ELK3: variants seen among roughly 807,000 people sequenced by gnomAD.
ELK3 encodes ETS domain-containing protein Elk-3.
In ELK3, 10 loss-of-function variants were observed where a neutral mutation model predicts 28.9. The ratio of observed to expected loss-of-function variants is 0.35; its 90% CI spans 0.21 to 0.59. The LOEUF (loss-of-function observed/expected upper bound fraction) is 0.59. Among genes scored for constraint, ELK3 ranks in the 20% least tolerant of loss-of-function variants. ELK3 has a pLI of 0.82. For synonymous variants in ELK3, 272 were observed against 243.5 expected, an observed-to-expected ratio of 1.12 and a Z score of -1.09; for missense variants, 463 against 517.3, an observed-to-expected ratio of 0.90 and a Z score of 1.02.
chr12:96,213,334 G>T (rs1406717805), intron 1 of ELK3, among the ~76,000 whole-genome samples: 2 of 152,232 alleles, frequency 1.3e-5, no homozygotes, highest in East Asian at 3.9e-4. Context: ...TCTATCCCAG[G>T]AATCTTAAAA....
chr12:96,248,404 C>G (rs1183246938), intron 3 of ELK3, among the ~76,000 whole-genome samples: 3 of 152,244 alleles, frequency 2.0e-5, no homozygotes, highest in Admixed American at 1.3e-4. Context: ...GATGCTCTTT[C>G]TTGTCCAGCT....
intron 3 of ELK3, among the ~76,000 whole-genome samples, chr12:96,259,044 C>G (rs1353849514): frequency 6.6e-6 from 1 of 152,134 alleles, no homozygotes; most frequent in African/African-American, 2.4e-5. Flanking sequence ...TGTAGAAACA[C>G]AGGAAAATAT....
chr12:96,266,191 A>C (rs1952028194), intron 4 of ELK3, among the ~76,000 whole-genome samples: 1 of 152,242 alleles, frequency 6.6e-6, no homozygotes, highest in Non-Finnish European at 1.5e-5. Flanking sequence ...AAACATATTT[A>C]CTTAAATATA....
chr12:96,265,160 C>T (rs34689108), intron 4 of ELK3, among the ~76,000 whole-genome samples: 7,894 of 152,012 alleles, frequency 0.052, 269 homozygotes, highest in Non-Finnish European at 0.064. Context: ...GTTTGGGAAA[C>T]GTTGCAGTTT....
At chr12:96,233,566 G>A (rs1422706788) in intron 2 of ELK3, among the ~76,000 whole-genome samples, 4 of 152,134 alleles carry the variant, frequency 2.6e-5, no homozygotes, top group African/African-American at 9.7e-5. Context: ...AACTTAATTG[G>A]ATAATTCATT....
rs1396841004 is a variant in ELK3 at position 96,212,113 on chromosome 12, A to G, written c.-2-11452A>G. 2.6e-5 allele frequency among the ~76,000 whole-genome samples: 4 copies of G among 152,258 alleles called. No homozygotes were observed. In the East Asian group the frequency reaches 7.7e-4, roughly 29 times the overall value. ...TAAAACAGAGCTAAAACACAAGACA[A>G]AATGAAACCAGAGCTGCAGTGACAA... On this transcript the variant is annotated intron_variant, in intron 1 of 4. Transcript: ENST00000228741.
intron 1 of ELK3, among the ~76,000 whole-genome samples, chr12:96,196,453 A>G (rs1449886239): frequency 6.6e-6 from 1 of 151,958 alleles, no homozygotes; most frequent in Non-Finnish European, 1.5e-5. Context: ...CCAGGCATCT[A>G]TTCATGAGCC....
chr12:96,234,996 C>T (rs1328058414), intron 2 of ELK3, among the ~76,000 whole-genome samples: 1 of 152,156 alleles, frequency 6.6e-6, no homozygotes, highest in African/African-American at 2.4e-5. Flanking sequence ...GGAAAAACTG[C>T]TGGCAAGATT....
intron 1 of ELK3, among the ~76,000 whole-genome samples, chr12:96,215,201 A>T (rs1176701008): frequency 1.3e-5 from 2 of 151,892 alleles, no homozygotes; most frequent in Non-Finnish European, 2.9e-5. Context: ...CTCCCACCTC[A>T]GTAAAAATGA....
At chr12:96,241,170 A>G (rs1207636193) in intron 2 of ELK3, among the ~76,000 whole-genome samples, 2 of 152,216 alleles carry the variant, frequency 1.3e-5, no homozygotes, top group Non-Finnish European at 2.9e-5. Flanking sequence ...TGTGTCTTTC[A>G]TGCCTGTGGC....
chr12:96,216,961 A>C (rs1201477325), intron 1 of ELK3, among the ~76,000 whole-genome samples: 1 of 152,246 alleles, frequency 6.6e-6, no homozygotes, highest in Non-Finnish European at 1.5e-5. Flanking sequence ...GAGTTATAGA[A>C]AATAGCTAAA....
At chr12:96,211,774 A>G (rs933740620) in intron 1 of ELK3, among the ~76,000 whole-genome samples, 4 of 152,200 alleles carry the variant, frequency 2.6e-5, no homozygotes, top group Non-Finnish European at 5.9e-5. Context: ...ACTAGTAACC[A>G]TATTTACCTA....
chr12:96,206,419 C>T (rs1484382351), intron 1 of ELK3, among the ~76,000 whole-genome samples: 2 of 151,898 alleles, frequency 1.3e-5, no homozygotes, highest in African/African-American at 2.4e-5. Context: ...CAGGTTAAAG[C>T]GATTCTCCTG....
intron 2 of ELK3, among the ~76,000 whole-genome samples, chr12:96,241,187 C>T (rs958850110): frequency 2.0e-5 from 3 of 152,192 alleles, no homozygotes; most frequent in Admixed American, 6.5e-5. Context: ...TGGCTTTATG[C>T]CTGGGTCAGT....
intron 2 of ELK3, among the ~76,000 whole-genome samples, chr12:96,232,809 T>A (rs1418961398): frequency 6.8e-6 from 1 of 146,138 alleles, no homozygotes; most frequent in Non-Finnish European, 1.5e-5. Flanking sequence ...TGAGCAAAAA[T>A]GACAAAAAAT....
intron 1 of ELK3, among the ~76,000 whole-genome samples, chr12:96,210,561 G>GCGCGCACACACA (rs1555193024): frequency 2.1e-5 from 3 of 144,846 alleles, no homozygotes; most frequent in South Asian, 2.2e-4. Context: ...GCGCGCGGGC[G>GCGCGCACACACA]CACGCACACA....
intron 1 of ELK3, among the ~76,000 whole-genome samples, chr12:96,217,240 G>T (rs1382735053): frequency 6.6e-6 from 1 of 152,240 alleles, no homozygotes; most frequent in African/African-American, 2.4e-5. Flanking sequence ...GACAGAGTGA[G>T]ACCTAGTCGA....
At chr12:96,214,220 CAG>C (rs1412932948) in intron 1 of ELK3, among the ~76,000 whole-genome samples, 2 of 152,064 alleles carry the variant, frequency 1.3e-5, no homozygotes. Context: ...CACCTGAGGT[CAG>C]GAGTTTGAGA....
chr12:96,214,038 G>GCATTGTGCTAGATATTA (rs1304486976), intron 1 of ELK3, among the ~76,000 whole-genome samples: 1 of 152,044 alleles, frequency 6.6e-6, no homozygotes. Flanking sequence ...AGTAATCCTT[G>GCATTGTGCTAGATATTA]CATTGTGCTA....
Sources: gnomAD v4.1 joint callset for allele counts (sites outside exome capture counted in the v4.1 genomes callset) on GRCh38, gnomAD v4.1.1 for gene constraint, MANE v1.5 for transcripts, NCBI Gene and HGNC (gene_info 2026-07-23, HGNC 2026-07-21) for gene names.